SLC22A8: variants seen among roughly 807,000 people sequenced by gnomAD.
SLC22A8 encodes the protein solute carrier family 22 member 8, also known as organic anion transporter 3.
Under a neutral mutation model 48.4 loss-of-function variants are expected in SLC22A8, and 40 were observed. That is an observed-to-expected ratio of 0.83 (90% confidence interval 0.64 to 1.08). The LOEUF (loss-of-function observed/expected upper bound fraction) is 1.08. Among genes scored for constraint, SLC22A8 ranks in the 50% least tolerant of loss-of-function variants. The pLI is 0.00. For missense variants in SLC22A8, 606 were observed against 699.0 expected (o/e 0.87, Z 1.50); for synonymous variants, 268 against 286.3 (o/e 0.94, Z 0.65).
Position 63,009,688 on chromosome 11 carries a change from T to C in SLC22A8, c.333+4938A>G, listed in dbSNP as rs117064622. Among the ~76,000 whole-genome samples, 222 of 152,234 alleles carry C rather than the reference T, an allele frequency of 1.5e-3. 11 individuals carry two copies. The East Asian group carries it at 0.038, about 26-fold the overall frequency. The stretch of plus-strand genomic sequence containing the variant: ...TGCACCAAGAGAAAGGAATTTGTGG[T>C]CACCCCTGCCAGGAAAGCTTAGGGG... On this transcript the variant is annotated intron_variant, in intron 2 of 10. Transcript: ENST00000336232.
At chr11:63,000,171 G>GT (rs972244257) in intron 3 of SLC22A8, among the ~76,000 whole-genome samples, 55 of 152,270 alleles carry the variant, frequency 3.6e-4, no homozygotes, top group East Asian at 5.8e-4. Flanking sequence ...AAACCTGGAG[G>GT]TTTTTTCCCC....
chr11:62,993,483 G>C lies in SLC22A8; in HGVS notation c.1470C>G (p.Leu490=). 6.2e-7 allele frequency: 1 copy of C among 1,614,230 alleles called. No individual in the cohort carries two copies. Among genetic ancestry groups the C allele is most frequent in the Non-Finnish European group, 8.5e-7 (1 of 1,180,038 alleles). Residue 490 remains leucine (L), a synonymous_variant, in exon 10 of 11, where the codon CTC becomes CTG. Transcript: ENST00000336232. ...GCTGATTCAGGGTCTCAGGCAGGAA[G>C]AGGGCAGCACTGCCCCCGAGGAGGG... The part of the protein sequence containing the change: ...ITALLGGSAA[L]FLPETLNQPL...
intron 3 of SLC22A8, 69 bp downstream of exon 3, chr11:63,000,651 G>T: frequency 8.6e-7 from 1 of 1,161,580 alleles, no homozygotes; most frequent in East Asian, 2.4e-5. Context: ...CGGGTGCACG[G>T]GTGGAGCAGA....
intron 2 of SLC22A8, among the ~76,000 whole-genome samples, chr11:63,003,232 T>G (rs2135131755): frequency 6.6e-6 from 1 of 152,328 alleles, no homozygotes; most frequent in South Asian, 2.1e-4. Flanking sequence ...AGAATTTAAT[T>G]CAATAGAAAT....
rs191678238 is a variant in SLC22A8 at position 63,011,653 on chromosome 11, C to T, written c.333+2973G>A. On this transcript the variant is annotated intron_variant, in intron 2 of 10. Transcript: ENST00000336232. ...CCTTCCTGGTATCTATTCTGACTGT[C>T]CCTTCTATCTGTCGTCTTTGTCCTG... Among the ~76,000 whole-genome samples, 596 of 152,304 alleles carry T rather than the reference C, an allele frequency of 3.9e-3. 5 individuals carry two copies. The highest frequency in any genetic ancestry group is 5.0e-3 in the Non-Finnish European group (342 of 68,032).
intron 7 of SLC22A8, 72 bp from the exon 8 acceptor site, chr11:62,994,828 C>A: frequency 8.7e-7 from 1 of 1,147,068 alleles, no homozygotes; most frequent in South Asian, 1.3e-5. Flanking sequence ...GTCATTGGGT[C>A]ACCAGGATGA....
Position 63,000,820 on chromosome 11 carries a change from C to T in SLC22A8, c.337G>A (p.Asp113Asn). ...STKDSIVTEW[D>N]LVCNSNKLKE... The stretch of plus-strand genomic sequence containing the variant: ...AGTTTGTTGGAGTTGCACACCAAGT[C>T]CCACTGCACAAGAGAAAGGTAGGGC... The change falls in exon 3 of 11, where the codon GAC becomes AAC. Residue 113 changes from aspartate to asparagine, a missense_variant. Coordinates refer to ENST00000336232, the MANE Select transcript of SLC22A8 (RefSeq NM_004254.4). The T allele has an allele frequency of 6.2e-7, 1 of 1,612,198 alleles. No individual in the cohort carries two copies. The highest frequency in any genetic ancestry group is 8.5e-7 in the Non-Finnish European group (1 of 1,178,258).
intron 2 of SLC22A8, among the ~76,000 whole-genome samples, chr11:63,010,859 C>A (rs769892941): frequency 6.6e-6 from 1 of 152,176 alleles, no homozygotes; most frequent in Admixed American, 6.5e-5. Context: ...CTCCGTCTGG[C>A]CTTTCTAGAG....
chr11:63,006,184 C>T (rs1230124258), intron 2 of SLC22A8, among the ~76,000 whole-genome samples: 1 of 152,150 alleles, frequency 6.6e-6, no homozygotes, highest in African/African-American at 2.4e-5. Context: ...ACTTGTGTTT[C>T]CCTTGACTGT....
chr11:62,999,625 A>C, intron 4 of SLC22A8, 63 bp downstream of exon 4: 1 of 1,362,144 alleles, frequency 7.3e-7, no homozygotes, highest in Non-Finnish European at 9.8e-7. Flanking sequence ...CCCAGACCCC[A>C]TTCTCTTTTG....
At chr11:63,000,881 G>A in intron 2 of SLC22A8, 58 bp from the exon 3 acceptor site, 2 of 1,364,784 alleles carry the variant, frequency 1.5e-6, no homozygotes, top group Non-Finnish European at 2.1e-6. Context: ...GCTCAGCCAT[G>A]CTCAGCCTGT....
At chr11:62,999,175 A>G in intron 4 of SLC22A8, 86 bp from the exon 5 acceptor site, 1 of 1,162,466 alleles carries the variant, frequency 8.6e-7, no homozygotes. Flanking sequence ...CTGCATCCCC[A>G]CGGCTACTGA....
At position 63,014,801 on chromosome 11, in the gene SLC22A8, TG is replaced by T; in HGVS notation, c.157del (p.His53ThrfsTer57). On this transcript the variant is annotated frameshift_variant, in exon 2 of 11. Coordinates refer to ENST00000336232, the MANE Select transcript of SLC22A8 (RefSeq NM_004254.4). LOFTEE classifies it high-confidence loss of function. ...CACCCAAGGCCCTGTGGAGGCATTGTGGGGCGGGCGACAGTGGTGGACAGGG... is the reference window on the plus strand; with the variant it reads ...CACCCAAGGCCCTGTGGAGGCATTGTGGGCGGGCGACAGTGGTGGACAGGG... The part of the protein sequence containing the change: ...ATPVHHCRPP[H>X]NASTGPWVLP... 6.2e-7 allele frequency: 1 copy of T among 1,612,930 alleles called. No homozygotes were observed. The highest frequency in any genetic ancestry group is 8.5e-7 in the Non-Finnish European group (1 of 1,179,122).
rs765559429 is a variant in SLC22A8 at position 62,999,784 on chromosome 11, C to G, written c.496G>C (p.Gly166Arg). The G allele has an allele frequency of 6.2e-7, 1 of 1,605,546 alleles. No individual in the cohort carries two copies. The highest frequency in any genetic ancestry group is 1.1e-5 in the South Asian group (1 of 89,752). ...SYLLLAASGSGAAFSPTFPIY... is the reference protein window; with the variant it reads ...SYLLLAASGSRAAFSPTFPIY... ...GGGAAGGTGGGGCTGAAGGCTGCACCGGAGCCGCTGGCTGCCAGCAGCAGG... is the reference window on the plus strand; with the variant it reads ...GGGAAGGTGGGGCTGAAGGCTGCACGGGAGCCGCTGGCTGCCAGCAGCAGG... The change falls in exon 4 of 11, where the codon GGT becomes CGT. Residue 166 changes from glycine (G) to arginine (R), a missense_variant. By Grantham distance (125) the Gly-to-Arg change is moderately radical. Transcript: ENST00000336232.
rs989207643 is a variant in SLC22A8 at position 62,994,865 on chromosome 11, T to A, written c.1002-109A>T. 1.0e-5 allele frequency: 8 copies of A among 802,344 alleles called. No individual in the cohort carries two copies. The African/African-American group carries it at 1.0e-4, about 10-fold the overall frequency. 49.7% of individuals were successfully genotyped at this position (802,344 alleles called of 1,614,324 possible). ...GAATAGCTTCACTTCTTGTGCCAAC[T>A]GCAACTGATGATAGGGGCTGCTTGA... is the stretch of plus-strand genomic sequence containing the variant. On this transcript the variant is annotated intron_variant, in intron 7 of 10. Transcript: ENST00000336232.
At chr11:63,009,040 T>A (rs1212142027) in intron 2 of SLC22A8, among the ~76,000 whole-genome samples, 1 of 152,062 alleles carries the variant, frequency 6.6e-6, no homozygotes, top group Admixed American at 6.5e-5. Context: ...GGGCTGTCAA[T>A]AGGGATCAGG....
At chr11:63,000,489 G>GAAA (rs59363642) in intron 3 of SLC22A8, among the ~76,000 whole-genome samples, 1 of 88,360 alleles carries the variant, frequency 1.1e-5, no homozygotes, top group African/African-American at 4.2e-5. Context: ...CGTCTTAAGA[G>GAAA]AAAAAAAAAA....
In SLC22A8 at chr11:62,999,007, C is replaced by G. The variant is rs770582644; in HGVS notation, c.675G>C (p.Leu225=). Residue 225 remains leucine (L), a synonymous_variant, in exon 5 of 11, where the codon CTG becomes CTC. Coordinates refer to ENST00000336232, the MANE Select transcript of SLC22A8 (RefSeq NM_004254.4). ...GGGGGATGGCGTAGGCCAGGCCGGG[C>G]AGAATGAACTGGCCAAAGGTGTAGC... The part of the protein sequence containing the change: ...GYCYTFGQFI[L]PGLAYAIPQW... 1.2e-6 allele frequency: 2 copies of G among 1,614,182 alleles called. No homozygotes were observed. Among genetic ancestry groups the G allele is most frequent in the South Asian group, 2.2e-5 (2 of 91,086 alleles).
rs759268348 is a variant in SLC22A8 at position 63,000,773 on chromosome 11, G to A, written c.384C>T (p.Ile128=). The A allele has an allele frequency of 6.2e-7, 1 of 1,613,968 alleles. No homozygotes were observed. The highest frequency in any genetic ancestry group is 2.2e-5 in the East Asian group (1 of 44,888). Residue 128 remains isoleucine, a synonymous_variant, in exon 3 of 11, where the codon ATC becomes ATT. Transcript: ENST00000336232. ...CTCCAATCAGTATACCTGCCATGAA[G>A]ATAGACTGGGCCATCTCCTTCAGTT... is the stretch of plus-strand genomic sequence containing the variant. ...SNKLKEMAQS[I]FMAGILIGGL...
Sources: gnomAD v4.1 joint callset for allele counts (sites outside exome capture counted in the v4.1 genomes callset) on GRCh38, gnomAD v4.1.1 for gene constraint, MANE v1.5 for transcripts, NCBI Gene and HGNC (gene_info 2026-07-23, HGNC 2026-07-21) for gene names.